Variants in MROH1 observed in about 807,000 individuals in gnomAD.
MROH1 encodes the protein maestro heat like repeat family member 1, also known as maestro heat-like repeat-containing protein family member 1.
Under a neutral mutation model 116.5 loss-of-function variants are expected in MROH1, and 117 were observed. The ratio of observed to expected loss-of-function variants is 1.00; its 90% CI spans 0.86 to 1.17. The LOEUF is 1.17. Ranked by LOEUF, MROH1 falls within the 50% of genes most tolerant of loss-of-function variation. MROH1 has a pLI of 0.00. For missense variants in MROH1, 1,873 were observed against 1,338.5 expected (o/e 1.40, Z -6.23); for synonymous variants, 921 against 583.9 (o/e 1.58, Z -8.32).
Position 144,234,891 on chromosome 8 carries a change from C to CTTTTTT in MROH1, c.1339-3851_1339-3846dup, listed in dbSNP as rs781998549. The stretch of plus-strand genomic sequence containing the variant: ...AGAAAAACAATTATCCTTTTTCTTT[C>CTTTTTT]TTTTTTTTTTTTTTTTTTTGAGACA... On this transcript the variant is annotated intron_variant, in intron 14 of 43. Transcript: ENST00000326134. Among the ~76,000 whole-genome samples the CTTTTTT allele has an allele frequency of 3.1e-3, 324 of 103,454 alleles. 1 individual carries two copies. Among genetic ancestry groups the CTTTTTT allele is most frequent in the Middle Eastern group, 7.4e-3 (1 of 136 alleles). The allele number at this position is 103,454 out of a possible 152,430, so 67.9% of individuals were successfully genotyped here.
intron 33 of MROH1, among the ~76,000 whole-genome samples, chr8:144,253,846 C>T (rs1308858140): frequency 2.0e-5 from 3 of 151,862 alleles, no homozygotes; most frequent in East Asian, 1.9e-4. Context: ...TGGCTTCTGT[C>T]GTTGCTCCTG....
At position 144,261,325 on chromosome 8, in the gene MROH1, G is replaced by C; in HGVS notation, c.4816G>C (p.Val1606Leu). The C allele has an allele frequency of 1.4e-6, 1 of 716,740 alleles. No individual in the cohort carries two copies. The allele number at this position is 716,740 out of a possible 1,614,324, so 44.4% of individuals were successfully genotyped here. A position where few individuals can be genotyped will look rare whatever the true frequency, so the allele number is the denominator to read the frequency against. The change falls in exon 43 of 44, where the codon GTG (valine) becomes CTG (leucine). Residue 1606 changes from valine (V) to leucine (L), a missense_variant. Coordinates refer to ENST00000326134, the MANE Select transcript of MROH1 (RefSeq NM_032450.3). ...LHSEPRQQPQ[V>L]DLDQLIAALQ... is the part of the protein sequence containing the mutation. ...CTCGGAGCCCAGGCAGCAGCCGCAG[G>C]TGGACCTGGACCAGCTCATTGCGGG... is the stretch of plus-strand genomic sequence containing the variant.
intron 1 of MROH1, among the ~76,000 whole-genome samples, chr8:144,155,981 G>A (rs940972538): frequency 6.6e-6 from 1 of 151,716 alleles, no homozygotes; most frequent in African/African-American, 2.4e-5. Flanking sequence ...GCTCACGCCT[G>A]TAATCCCAAC....
At chr8:144,150,572 C>A (rs1816482893) in intron 1 of MROH1, among the ~76,000 whole-genome samples, 1 of 152,242 alleles carries the variant, frequency 6.6e-6, no homozygotes, top group Admixed American at 6.5e-5. Context: ...TGGTGTTCAA[C>A]TGTGTGCTGG....
intron 1 of MROH1, among the ~76,000 whole-genome samples, chr8:144,151,936 A>G (rs1172952127): frequency 3.9e-5 from 6 of 152,280 alleles, no homozygotes; most frequent in Non-Finnish European, 8.8e-5. Context: ...TGTTCAACCT[A>G]GGGGCAGTCA....
At chr8:144,162,357 G>C (rs1007681561) in intron 2 of MROH1, among the ~76,000 whole-genome samples, 1 of 150,046 alleles carries the variant, frequency 6.7e-6, no homozygotes, top group Non-Finnish European at 1.5e-5. Context: ...AAAGTGCTGG[G>C]ATTACAGATA....
Position 144,238,882 on chromosome 8 carries a change from T to C in MROH1, c.1446+19T>C. On this transcript the variant is annotated intron_variant, in intron 15 of 43. Transcript: ENST00000326134. The stretch of plus-strand genomic sequence containing the variant: ...GAGTCACGTGAGTGCACGGCACCCG[T>C]CCCTGCCTGGCGACAACAGAGCTCT... The C allele has an allele frequency of 1.3e-6, 1 of 771,388 alleles. No homozygotes were observed. The highest frequency in any genetic ancestry group is 2.4e-6 in the Non-Finnish European group (1 of 417,750). The allele number at this position is 771,388 out of a possible 1,614,324, so 47.8% of individuals were successfully genotyped here.
chr8:144,184,677 C>T (rs967944782), intron 7 of MROH1, among the ~76,000 whole-genome samples: 5 of 152,110 alleles, frequency 3.3e-5, no homozygotes, highest in East Asian at 1.9e-4. Context: ...GGGGACAACC[C>T]GGAGGGCAGC....
chr8:144,229,201 G>A (rs932981202), intron 14 of MROH1, among the ~76,000 whole-genome samples: 1 of 152,162 alleles, frequency 6.6e-6, no homozygotes, highest in East Asian at 1.9e-4. Flanking sequence ...ATGAGGTTTG[G>A]AATCAACTTC....
At chr8:144,183,936 C>T (rs1009182913) in intron 7 of MROH1, among the ~76,000 whole-genome samples, 5 of 152,152 alleles carry the variant, frequency 3.3e-5, no homozygotes, top group African/African-American at 4.8e-5. Flanking sequence ...CATGGACCAC[C>T]GCGCCTGGCC....
chr8:144,261,380 G>A, intron 43 of MROH1, 31 bp downstream of exon 43: 1 of 700,926 alleles, frequency 1.4e-6, no homozygotes, highest in East Asian at 2.7e-5. Context: ...CCCCTCCGCT[G>A]GGCCCTGCTG....
intron 14 of MROH1, among the ~76,000 whole-genome samples, chr8:144,226,456 T>C (rs1167878973): frequency 1.4e-4 from 21 of 147,996 alleles, no homozygotes. Flanking sequence ...TGGCTTTACG[T>C]TGTTCTTTTT....
chr8:144,240,054 C>T, intron 18 of MROH1, 47 bp from the exon 19 acceptor site: 1 of 758,658 alleles, frequency 1.3e-6, no homozygotes, highest in Non-Finnish European at 2.5e-6. Flanking sequence ...CTCTGAGCCC[C>T]ACTGGTGCGT....
intron 10 of MROH1, among the ~76,000 whole-genome samples, chr8:144,198,919 A>G (rs1177288361): frequency 6.6e-6 from 1 of 152,028 alleles, no homozygotes; most frequent in Non-Finnish European, 1.5e-5. Flanking sequence ...TGGTCCCTGG[A>G]GGGCCTCTGA....
At position 144,160,473 on chromosome 8, in the gene MROH1, A is replaced by T. The variant is rs146300816; in HGVS notation, c.-176-497A>T. On this transcript the variant is annotated intron_variant, in intron 1 of 43. Coordinates refer to ENST00000326134, the MANE Select transcript of MROH1 (RefSeq NM_032450.3). Reference sequence around the variant, plus strand: ...ACAAGGCATTTGTCTTAGTTTTCTAATGCTGATGCAATGCATTATCACAAA... The same window carrying T: ...ACAAGGCATTTGTCTTAGTTTTCTATTGCTGATGCAATGCATTATCACAAA... 2.3e-3 allele frequency among the ~76,000 whole-genome samples: 358 copies of T among 152,352 alleles called. 1 individual carries two copies. Among genetic ancestry groups the T allele is most frequent in the African/African-American group, 8.2e-3 (339 of 41,586 alleles).
chr8:144,163,749 C>A lies in MROH1; in HGVS notation c.-56-22C>A. 6.7e-7 allele frequency: 1 copy of A among 1,491,314 alleles called. No homozygotes were observed. The highest frequency in any genetic ancestry group is 1.2e-5 in the South Asian group (1 of 86,290). 92.4% of individuals were successfully genotyped at this position (1,491,314 alleles called of 1,614,324 possible). A position where few individuals can be genotyped will look rare whatever the true frequency, so the allele number is the denominator to read the frequency against. On this transcript the variant is annotated intron_variant, in intron 2 of 43. Coordinates refer to ENST00000326134, the MANE Select transcript of MROH1 (RefSeq NM_032450.3). This position sits in a 1 kb window ranked among gnomAD's most constrained non-coding sequence, Gnocchi z 4.4. ...TATCGTAGAGGCTTATGAATTAAAT[C>A]TTGTGATTTTGGTTATTCCAGATGG...
rs1564478432 is a variant in MROH1, at chr8:144,207,946, C to CCT, written c.1141+7405_1141+7406insCT. Among the ~76,000 whole-genome samples, 12 of 135,102 alleles carry CCT rather than the reference C, an allele frequency of 8.9e-5. 1 individual carries two copies. Among genetic ancestry groups the CCT allele is most frequent in the African/African-American group, 1.4e-4 (5 of 36,580 alleles). The allele number at this position is 135,102 out of a possible 152,430, so 88.6% of individuals were successfully genotyped here. Reference sequence around the variant, plus strand: ...GGCAAGGTGTGTTTTTTTTTAATTACTTTTTTTTTTTTTTTTGAGACAGAG... The same window carrying CCT: ...GGCAAGGTGTGTTTTTTTTTAATTACCTTTTTTTTTTTTTTTTTGAGACAGAG... On this transcript the variant is annotated intron_variant, in intron 12 of 43. Transcript: ENST00000326134.
chr8:144,213,592 C>A (rs112583798), intron 12 of MROH1: 4,894 of 153,012 alleles, frequency 0.032, 252 homozygotes, highest in African/African-American at 0.11. Flanking sequence ...AGTTCAAGAA[C>A]AGCCTGGGTA....
intron 4 of MROH1, among the ~76,000 whole-genome samples, chr8:144,173,487 C>T (rs73366521): frequency 0.11 from 16,006 of 150,730 alleles, 1,855 homozygotes; most frequent in African/African-American, 0.29. Flanking sequence ...AGTACAATGG[C>T]GCAAACCGGC....
Sources: allele counts gnomAD v4.1 joint callset (sites outside exome capture counted in the v4.1 genomes callset), GRCh38; gene constraint gnomAD v4.1.1; non-coding constraint Gnocchi (gnomAD v3.1); transcripts MANE v1.5; gene names NCBI Gene and HGNC (gene_info 2026-07-23, HGNC 2026-07-21).